PITPNM3: variants seen among roughly 807,000 people sequenced by gnomAD.
The protein encoded by PITPNM3 is membrane-associated phosphatidylinositol transfer protein 3.
In PITPNM3, 26 loss-of-function variants were observed where a neutral mutation model predicts 102.0. The observed-to-expected ratio is 0.25, with a 90% CI of 0.19 to 0.35. The LOEUF is 0.35. Ranked by LOEUF, PITPNM3 falls within the 10% of genes least tolerant of loss-of-function variation. The pLI is 1.00. For synonymous variants in PITPNM3, 578 were observed against 558.6 expected (o/e 1.03, Z -0.49); for missense variants, 1,083 against 1,346.1 (o/e 0.80, Z 3.06).
chr17:6,504,047 A>G (rs1293089724), intron 3 of PITPNM3, among the ~76,000 whole-genome samples: 1 of 151,704 alleles, frequency 6.6e-6, no homozygotes, highest in African/African-American at 2.4e-5. Context: ...ACTCCCAAAC[A>G]CTGCACACTC....
chr17:6,460,927 T>G, intron 18 of PITPNM3: 1 of 267,022 alleles, frequency 3.7e-6, no homozygotes, highest in East Asian at 1.0e-4. Context: ...AGTTTCCTGG[T>G]GCTGCTAGTG....
intron 2 of PITPNM3, among the ~76,000 whole-genome samples, chr17:6,528,032 G>A (rs951934600): frequency 2.6e-5 from 4 of 152,084 alleles, no homozygotes; most frequent in Non-Finnish European, 5.9e-5. Flanking sequence ...GTCTGTTTCC[G>A]ATCAAATATG....
At chr17:6,551,789 T>A (rs1910320733) in intron 1 of PITPNM3, among the ~76,000 whole-genome samples, 1 of 152,058 alleles carries the variant, frequency 6.6e-6, no homozygotes, top group Admixed American at 6.5e-5. Context: ...AGATGTTTCC[T>A]CCTCTGAGTG....
chr17:6,461,583 A>T (rs138662318), intron 17 of PITPNM3, 27 bp from the exon 18 acceptor site: 8 of 1,611,686 alleles, frequency 5.0e-6, no homozygotes, highest in Non-Finnish European at 6.8e-6. Context: ...AGAAGGGTCC[A>T]GCCCTGCCCA....
intron 1 of PITPNM3, among the ~76,000 whole-genome samples, chr17:6,540,870 G>C (rs1909695245): frequency 6.6e-6 from 1 of 152,146 alleles, no homozygotes; most frequent in Non-Finnish European, 1.5e-5. Context: ...TGTTGGCTAG[G>C]CTAGTCTCGA....
In PITPNM3 at chr17:6,501,636, C is replaced by T. The variant is rs1030483206; in HGVS notation, c.274+1891G>A. ...CCAACAAGGGCTCTGGGCCTTGCAG[C>T]TTTGGGGGGCTCAGTCCACTCTGCC... On this transcript the variant is annotated intron_variant, in intron 4 of 19. Transcript: ENST00000262483. Among the ~76,000 whole-genome samples, 4 of 152,068 alleles carry T rather than the reference C, an allele frequency of 2.6e-5. No individual in the cohort carries two copies. In the South Asian group the frequency reaches 8.3e-4, roughly 32 times the overall value.
intron 3 of PITPNM3, among the ~76,000 whole-genome samples, chr17:6,513,472 T>C (rs926623127): frequency 6.6e-6 from 1 of 152,130 alleles, no homozygotes; most frequent in Non-Finnish European, 1.5e-5. Context: ...AGGATCAATA[T>C]ACAAAACTCA....
At chr17:6,504,396 C>T (rs1378946304) in intron 3 of PITPNM3, among the ~76,000 whole-genome samples, 4 of 152,190 alleles carry the variant, frequency 2.6e-5, no homozygotes, top group Non-Finnish European at 5.9e-5. Flanking sequence ...GAATGAACTT[C>T]TCCAGGTGTT....
chr17:6,476,159 G>GTT (rs66535369), intron 9 of PITPNM3, among the ~76,000 whole-genome samples: 20 of 151,894 alleles, frequency 1.3e-4, no homozygotes, highest in South Asian at 8.3e-4. Context: ...AATATAAAGG[G>GTT]TTTTTTTAAA....
Position 6,463,826 on chromosome 17 carries a change from A to G in PITPNM3, c.2212T>C (p.Cys738Arg). 6.2e-7 allele frequency: 1 copy of G among 1,613,580 alleles called. No homozygotes were observed. The highest frequency in any genetic ancestry group is 8.5e-7 in the Non-Finnish European group (1 of 1,179,908). ...GACCCATCAATGCTGAACACTACAC[A>G]CTCCATGCCCCTGGGCAACACCGTG... ...YLTVLPRGME[C>R]VVFSIDGSFA... Residue 738 changes from cysteine (C) to arginine (R), a missense_variant, in exon 17 of 20, where the codon TGT becomes CGT. By Grantham distance (180) the Cys-to-Arg change is radical. Transcript: ENST00000262483.
chr17:6,498,331 C>T (rs1906962122), intron 4 of PITPNM3, among the ~76,000 whole-genome samples: 1 of 152,358 alleles, frequency 6.6e-6, no homozygotes, highest in African/African-American at 2.4e-5. Flanking sequence ...AGAGTCCACG[C>T]TCCTCCCAGA....
chr17:6,538,249 T>C (rs145971070), intron 1 of PITPNM3, among the ~76,000 whole-genome samples, 167 bp from the exon 2 acceptor site: 10 of 152,158 alleles, frequency 6.6e-5, no homozygotes, highest in Non-Finnish European at 1.3e-4. Context: ...TGTGCTGTCA[T>C]TGAAGCTCAA....
At chr17:6,490,819 T>A (rs1236725084) in intron 4 of PITPNM3, among the ~76,000 whole-genome samples, 1 of 150,374 alleles carries the variant, frequency 6.7e-6, no homozygotes. Context: ...ACAGGCGTGG[T>A]GGTGGGCACG....
chr17:6,530,896 T>C (rs1909109818), intron 2 of PITPNM3, among the ~76,000 whole-genome samples: 1 of 152,334 alleles, frequency 6.6e-6, no homozygotes, highest in South Asian at 2.1e-4. Flanking sequence ...TGCAAGGCCA[T>C]GGGGAGCCTC....
At chr17:6,555,863 G>C (rs368083070) in intron 1 of PITPNM3, among the ~76,000 whole-genome samples, 1 of 152,182 alleles carries the variant, frequency 6.6e-6, no homozygotes, top group East Asian at 1.9e-4. Flanking sequence ...GGGGCGGCCA[G>C]CAGCCGGCGC....
At chr17:6,533,685 G>A (rs1470800170) in intron 2 of PITPNM3, among the ~76,000 whole-genome samples, 1 of 152,044 alleles carries the variant, frequency 6.6e-6, no homozygotes, top group African/African-American at 2.4e-5. Flanking sequence ...TCACACTCCT[G>A]AACTCGTGAT....
intron 9 of PITPNM3, among the ~76,000 whole-genome samples, chr17:6,475,132 G>A (rs1905245911): frequency 6.6e-6 from 1 of 152,196 alleles, no homozygotes; most frequent in Non-Finnish European, 1.5e-5. Context: ...CTGTTCTGCT[G>A]GGATCAGGGC....
chr17:6,477,331 C>T (rs924068513), intron 8 of PITPNM3, 118 bp from the exon 9 acceptor site: 1 of 1,077,156 alleles, frequency 9.3e-7, no homozygotes, highest in East Asian at 2.5e-5. Flanking sequence ...TGAGGGGCTA[C>T]CCTTCTTCCA....
At chr17:6,518,901 C>G (rs760144275) in intron 3 of PITPNM3, among the ~76,000 whole-genome samples, 2 of 152,184 alleles carry the variant, frequency 1.3e-5, no homozygotes, top group African/African-American at 4.8e-5. Flanking sequence ...AACATTGGAA[C>G]GTTTCCATCA....
Sources: gnomAD v4.1 joint callset for allele counts (sites outside exome capture counted in the v4.1 genomes callset) on GRCh38, gnomAD v4.1.1 for gene constraint, MANE v1.5 for transcripts, NCBI Gene and HGNC (gene_info 2026-07-23, HGNC 2026-07-21) for gene names.